Variants in CC2D2B observed in about 807,000 individuals in gnomAD.
CC2D2B encodes the protein protein CC2D2B.
A neutral mutation model predicts 161.2 loss-of-function variants in CC2D2B; 128 were observed. That is an observed-to-expected ratio of 0.79 (90% CI 0.69 to 0.92). CC2D2B has a LOEUF of 0.92. Among genes scored for constraint, CC2D2B ranks in the 40% least tolerant of loss-of-function variants. The pLI, the probability that CC2D2B is intolerant of heterozygous loss-of-function variation, is 0.00. For missense variants in CC2D2B, 1,173 were observed against 1,375.1 expected, an observed-to-expected ratio of 0.85 and a Z score of 2.32; for synonymous variants, 391 against 449.8, an observed-to-expected ratio of 0.87 and a Z score of 1.65.
At chr10:96,019,917 G>A in intron 32 of CC2D2B, 93 bp downstream of exon 32, 1 of 1,183,872 alleles carries the variant, frequency 8.4e-7, no homozygotes. Context: ...TTTTATAGTT[G>A]GTTGGTTACT....
chr10:96,019,569 C>A, intron 31 of CC2D2B, 133 bp from the exon 32 acceptor site: 1 of 939,962 alleles, frequency 1.1e-6, no homozygotes, highest in South Asian at 1.8e-5. Context: ...CTCTTTATCT[C>A]CTGCCTCAGA....
At position 95,982,023 on chromosome 10, in the gene CC2D2B, CAT is replaced by C. The variant is rs763774101; in HGVS notation, c.1993_1994del (p.Met665GlufsTer2). Reference sequence around the variant, plus strand: ...GAAGTGTTCCTGGAATTCCATGGCTCATGAATGAACAGAAGCTTTTTGAATGG... The same window carrying C: ...GAAGTGTTCCTGGAATTCCATGGCTCGAATGAACAGAAGCTTTTTGAATGG... ...ARSVPGIPWL[M>X]NEQKLFEWAN... On this transcript the variant is annotated frameshift_variant, in exon 18 of 35. Coordinates refer to ENST00000646931, the MANE Select transcript of CC2D2B (RefSeq NM_001349008.3). LOFTEE classifies it high-confidence loss of function. 5.7e-6 allele frequency: 7 copies of C among 1,230,188 alleles called. No homozygotes were observed. The allele number at this position is 1,230,188 out of a possible 1,614,324, so 76.2% of individuals were successfully genotyped here. A position where few individuals can be genotyped will look rare whatever the true frequency, so the allele number is the denominator to read the frequency against.
rs1329062778 is a variant in CC2D2B at position 95,946,298 on chromosome 10, A to G, written c.802-3598A>G. ...TTGTTGTTAGATATTCCACCACCTC[A>G]TTTACCCTCCTCTAGCTTCTTAGCA... On this transcript the variant is annotated intron_variant, in intron 9 of 34. Coordinates refer to ENST00000646931, the MANE Select transcript of CC2D2B (RefSeq NM_001349008.3). 3.3e-5 allele frequency among the ~76,000 whole-genome samples: 5 copies of G among 152,022 alleles called. No individual in the cohort carries two copies. In the South Asian group the frequency reaches 6.2e-4, roughly 19 times the overall value.
chr10:96,001,229 T>C (rs1385453271), intron 24 of CC2D2B, among the ~76,000 whole-genome samples: 1 of 152,214 alleles, frequency 6.6e-6, no homozygotes, highest in Non-Finnish European at 1.5e-5. Flanking sequence ...CATGAGCAGG[T>C]ATGTGTAGCT....
chr10:96,029,241 CATATATATATATATAT>C (rs56195141), intron 34 of CC2D2B, among the ~76,000 whole-genome samples: 5,200 of 67,084 alleles, frequency 0.078, 304 homozygotes, highest in African/African-American at 0.15. Context: ...TTTCATGTAC[CATATATATATATATAT>C]ATATATATAT....
intron 12 of CC2D2B, among the ~76,000 whole-genome samples, chr10:95,962,752 TTGC>T (rs925136437): frequency 1.1e-4 from 17 of 149,182 alleles, no homozygotes; most frequent in Admixed American, 4.7e-4. Context: ...TTTTTTTTTC[TTGC>T]TGCAGTAGTT....
rs1414568941 is a variant in CC2D2B, at chr10:95,924,948, C to G, written c.240+104C>G. The G allele has an allele frequency of 1.1e-5, 7 of 655,456 alleles. No homozygotes were observed. In the East Asian group the frequency reaches 1.9e-4, roughly 18 times the overall value. 40.6% of individuals were successfully genotyped at this position (655,456 alleles called of 1,614,324 possible). A position where few individuals can be genotyped will look rare whatever the true frequency, so the allele number is the denominator to read the frequency against. Reference sequence around the variant, plus strand: ...TAAAGTGTATATGACTCAATGATTTCTAGTTAATTTACAGAATTGTTCAAT... The same window carrying G: ...TAAAGTGTATATGACTCAATGATTTGTAGTTAATTTACAGAATTGTTCAAT... On this transcript the variant is annotated intron_variant, in intron 5 of 34. Transcript: ENST00000646931.
chr10:96,023,271 G>A (rs1252545996), intron 32 of CC2D2B, among the ~76,000 whole-genome samples: 1 of 152,218 alleles, frequency 6.6e-6, no homozygotes, highest in Non-Finnish European at 1.5e-5. Context: ...GTGGGCTCAT[G>A]GCCCTCCATC....
At chr10:96,025,128 G>C (rs988111282) in intron 33 of CC2D2B, among the ~76,000 whole-genome samples, 25 of 126,344 alleles carry the variant, frequency 2.0e-4, no homozygotes, top group Non-Finnish European at 3.7e-4. Flanking sequence ...GGGCAACATA[G>C]GGAGACGTCA....
chr10:95,962,581 T>C (rs1267311270), intron 12 of CC2D2B, among the ~76,000 whole-genome samples: 2 of 152,116 alleles, frequency 1.3e-5, no homozygotes, highest in African/African-American at 2.4e-5. Context: ...CCATGTCTTA[T>C]GGAGGAAATA....
intron 6 of CC2D2B, among the ~76,000 whole-genome samples, chr10:95,931,608 C>T (rs538249636): frequency 1.3e-5 from 2 of 152,248 alleles, no homozygotes; most frequent in East Asian, 3.9e-4. Flanking sequence ...TTTCAAATAA[C>T]TTATTTATTT....
intron 3 of CC2D2B, among the ~76,000 whole-genome samples, chr10:95,923,836 G>A (rs1427449079): frequency 2.6e-5 from 4 of 152,192 alleles, no homozygotes; most frequent in Middle Eastern, 3.4e-3. Flanking sequence ...CCAACATGGC[G>A]AAACCCCATC....
chr10:95,926,261 A>G, intron 5 of CC2D2B, among the ~76,000 whole-genome samples: 1 of 152,146 alleles, frequency 6.6e-6, no homozygotes, highest in African/African-American at 2.4e-5. Flanking sequence ...GGTTAAAAGG[A>G]AGAGAAATTG....
At chr10:95,962,303 T>C (rs973761233) in intron 12 of CC2D2B, among the ~76,000 whole-genome samples, 9 of 152,020 alleles carry the variant, frequency 5.9e-5, no homozygotes, top group Admixed American at 5.9e-4. Flanking sequence ...GATTTGTCAA[T>C]AGAGAAATGC....
chr10:95,945,164 C>G (rs1249223658), intron 9 of CC2D2B, among the ~76,000 whole-genome samples: 1 of 152,168 alleles, frequency 6.6e-6, no homozygotes, highest in African/African-American at 2.4e-5. Context: ...AATTTCTTTT[C>G]TTTATAATTT....
chr10:96,031,403 T>C (rs2080061577), intron 34 of CC2D2B, among the ~76,000 whole-genome samples: 1 of 152,244 alleles, frequency 6.6e-6, no homozygotes, highest in Non-Finnish European at 1.5e-5. Context: ...CACAATCCTT[T>C]AATCCCATCA....
rs1244303753 is a variant in CC2D2B, at chr10:95,955,316, C to T, written c.1012-78C>T. The stretch of plus-strand genomic sequence containing the variant: ...TACATTTGTTCGGCTGCTGCACACA[C>T]CTTGACCTACAGGTGAACTGGATCA... On this transcript the variant is annotated intron_variant, in intron 10 of 34. Coordinates refer to ENST00000646931, the MANE Select transcript of CC2D2B (RefSeq NM_001349008.3). 4 of 396,374 alleles carry T rather than the reference C, an allele frequency of 1.0e-5. No homozygotes were observed. In the East Asian group the frequency reaches 1.1e-4, roughly 11 times the overall value. 24.6% of individuals were successfully genotyped at this position (396,374 alleles called of 1,614,324 possible).
chr10:95,966,613 T>G (rs944874512), intron 14 of CC2D2B, among the ~76,000 whole-genome samples: 4 of 152,180 alleles, frequency 2.6e-5, no homozygotes, highest in Admixed American at 6.6e-5. Context: ...TCTTCATATA[T>G]TGATAATTTG....
rs1410418152 is a variant in CC2D2B, at chr10:95,947,097, A to C, written c.802-2799A>C. Among the ~76,000 whole-genome samples the C allele has an allele frequency of 3.9e-4, 13 of 33,428 alleles. 1 individual carries two copies. The highest frequency in any genetic ancestry group is 2.6e-3 in the African/African-American group (13 of 5,050). 21.9% of individuals were successfully genotyped at this position (33,428 alleles called of 152,430 possible). On this transcript the variant is annotated intron_variant, in intron 9 of 34. Coordinates refer to ENST00000646931, the MANE Select transcript of CC2D2B (RefSeq NM_001349008.3). ...TGGACTCAAAAATATATATATATAT[A>C]TATATATATATATATATTTTTTTTT...
Sources: allele counts gnomAD v4.1 joint callset (sites outside exome capture counted in the v4.1 genomes callset), GRCh38; gene constraint gnomAD v4.1.1; transcripts MANE v1.5; gene names NCBI Gene and HGNC (gene_info 2026-07-23, HGNC 2026-07-21).